Variants in GALNT11 observed in about 807,000 individuals in gnomAD.
GALNT11 encodes polypeptide N-acetylgalactosaminyltransferase 11, also known as UDP-GalNAc:polypeptide N-acetylgalactosaminyltransferase 11.
In GALNT11, 47 loss-of-function variants were observed where a neutral mutation model predicts 72.7. The observed-to-expected ratio is 0.65, with a 90% CI of 0.51 to 0.82. GALNT11 has a LOEUF of 0.82. GALNT11 is among the 40% of genes least tolerant of loss of function. The pLI, the probability that GALNT11 is intolerant of heterozygous loss-of-function variation, is 0.00. For synonymous variants in GALNT11, 270 were observed against 286.6 expected (o/e 0.94, Z 0.58); for missense variants, 677 against 778.4 (o/e 0.87, Z 1.55).
chr7:152,112,266 C>T (rs1040959596), intron 7 of GALNT11, among the ~76,000 whole-genome samples: 1 of 152,162 alleles, frequency 6.6e-6, no homozygotes, highest in African/African-American at 2.4e-5. Flanking sequence ...TGGCTGGGTC[C>T]ATGGTGGCTC....
chr7:152,121,474 T>C (rs2089429262), intron 11 of GALNT11, 72 bp from the exon 12 acceptor site: 2 of 1,548,886 alleles, frequency 1.3e-6, no homozygotes, highest in South Asian at 1.2e-5. Flanking sequence ...TCTTAAGTGC[T>C]CCATCTCTCC....
At chr7:152,082,631 T>C (rs1355909025) in intron 1 of GALNT11, among the ~76,000 whole-genome samples, 1 of 152,270 alleles carries the variant, frequency 6.6e-6, no homozygotes, top group Non-Finnish European at 1.5e-5. Context: ...CATTGATTTC[T>C]TTATTATGGC....
chr7:152,045,238 T>C (rs1048460662), intron 1 of GALNT11, among the ~76,000 whole-genome samples: 2 of 152,204 alleles, frequency 1.3e-5, no homozygotes, highest in Admixed American at 6.5e-5. Flanking sequence ...GATACTGGCC[T>C]GTAGTTTTAT....
intron 1 of GALNT11, among the ~76,000 whole-genome samples, chr7:152,078,542 C>A (rs1207617696): frequency 6.6e-6 from 1 of 152,124 alleles, no homozygotes; most frequent in African/African-American, 2.4e-5. Context: ...ATTTTTGAAA[C>A]CCCATGAAAG....
At chr7:152,058,855 C>T (rs1045619033) in intron 1 of GALNT11, among the ~76,000 whole-genome samples, 1 of 152,146 alleles carries the variant, frequency 6.6e-6, no homozygotes, top group Non-Finnish European at 1.5e-5. Context: ...TCACCAGGAG[C>T]GATTCCATTT....
chr7:152,042,375 A>C (rs915319181), intron 1 of GALNT11, among the ~76,000 whole-genome samples: 1 of 152,176 alleles, frequency 6.6e-6, no homozygotes, highest in African/African-American at 2.4e-5. Flanking sequence ...TTTTTTCTTA[A>C]TTATGAAAAC....
intron 9 of GALNT11, chr7:152,117,825 C>G (rs1462980955): frequency 6.0e-6 from 1 of 167,602 alleles, no homozygotes; most frequent in African/African-American, 2.4e-5. Flanking sequence ...CAGAAGTCAT[C>G]TGAGCTCAGC....
chr7:152,117,398 G>A, intron 9 of GALNT11, 23 bp downstream of exon 9: 1 of 1,612,036 alleles, frequency 6.2e-7, no homozygotes, highest in Non-Finnish European at 8.5e-7. Flanking sequence ...TTTTTTCCAA[G>A]TGGCTTATGA....
intron 1 of GALNT11, among the ~76,000 whole-genome samples, chr7:152,063,099 C>CT (rs550987203): frequency 2.0e-5 from 3 of 151,874 alleles, no homozygotes; most frequent in Non-Finnish European, 2.9e-5. Flanking sequence ...TGGTCCTGGA[C>CT]TTTTTTTTGT....
intron 9 of GALNT11, 153 bp downstream of exon 9, chr7:152,117,528 C>A: frequency 1.4e-6 from 1 of 725,070 alleles, no homozygotes; most frequent in South Asian, 1.8e-5. Flanking sequence ...TTTATGGGAA[C>A]TTCTCTACGC....
At chr7:152,078,546 A>G (rs2085121985) in intron 1 of GALNT11, among the ~76,000 whole-genome samples, 1 of 152,226 alleles carries the variant, frequency 6.6e-6, no homozygotes, top group South Asian at 2.1e-4. Context: ...TTGAAACCCC[A>G]TGAAAGATGA....
At chr7:152,069,752 T>C (rs2084517405) in intron 1 of GALNT11, among the ~76,000 whole-genome samples, 1 of 152,224 alleles carries the variant, frequency 6.6e-6, no homozygotes, top group African/African-American at 2.4e-5. Context: ...GTCAGCATGA[T>C]ATATCTTTCT....
chr7:152,091,309 C>T (rs375973961), intron 1 of GALNT11, among the ~76,000 whole-genome samples: 76 of 152,078 alleles, frequency 5.0e-4, no homozygotes, highest in Middle Eastern at 3.4e-3. Context: ...GGCGCGATCT[C>T]GGCTCACTGC....
chr7:152,071,662 A>G (rs1207341230), intron 1 of GALNT11, among the ~76,000 whole-genome samples: 2 of 152,218 alleles, frequency 1.3e-5, no homozygotes, highest in African/African-American at 2.4e-5. Flanking sequence ...TGGGGAAGTG[A>G]TAAGTGTCCA....
At chr7:152,065,018 A>C (rs199774550) in intron 1 of GALNT11, among the ~76,000 whole-genome samples, 1 of 152,194 alleles carries the variant, frequency 6.6e-6, no homozygotes, top group African/African-American at 2.4e-5. Flanking sequence ...AGGTTGGGGA[A>C]ATTCTCCTGG....
chr7:152,026,129 C>G (rs1369828691), intron 1 of GALNT11, among the ~76,000 whole-genome samples: 1 of 152,186 alleles, frequency 6.6e-6, no homozygotes, highest in Non-Finnish European at 1.5e-5. Flanking sequence ...GACCAGGGCG[C>G]TGGCCTCGTT....
chr7:152,108,732 A>T (rs1429819020), intron 6 of GALNT11, among the ~76,000 whole-genome samples: 1 of 152,242 alleles, frequency 6.6e-6, no homozygotes, highest in African/African-American at 2.4e-5. Flanking sequence ...ATAATTACTA[A>T]GTCATAGTAT....
chr7:152,115,154 G>T (rs1035096627), intron 8 of GALNT11, among the ~76,000 whole-genome samples: 1 of 152,066 alleles, frequency 6.6e-6, no homozygotes, highest in Non-Finnish European at 1.5e-5. Context: ...TCAACACATG[G>T]TCCCACTCCT....
intron 1 of GALNT11, among the ~76,000 whole-genome samples, chr7:152,034,637 T>G (rs2082469510): frequency 6.6e-6 from 1 of 152,074 alleles, no homozygotes; most frequent in African/African-American, 2.4e-5. Context: ...CCCACAATGG[T>G]CCCTGAACCC....
Sources: gnomAD v4.1 joint callset for allele counts (sites outside exome capture counted in the v4.1 genomes callset) on GRCh38, gnomAD v4.1.1 for gene constraint, MANE v1.5 for transcripts, NCBI Gene and HGNC (gene_info 2026-07-23, HGNC 2026-07-21) for gene names.